Variants in ANKRD29 observed in about 807,000 individuals in gnomAD.
ANKRD29 encodes the protein ankyrin repeat domain-containing protein 29.
ANKRD29 carries 32 observed loss-of-function variants against 38.0 expected under a neutral mutation model. That is an observed-to-expected ratio of 0.84 (90% CI 0.64 to 1.13). ANKRD29 has a LOEUF of 1.13. Ranked by LOEUF, ANKRD29 falls within the 50% of genes most tolerant of loss-of-function variation. The probability of loss-of-function intolerance (pLI) is 0.00; values close to 1 mark genes in which losing one functional copy is unlikely to be tolerated. For missense variants in ANKRD29, 357 were observed against 377.9 expected (o/e 0.94, Z 0.46); for synonymous variants, 135 against 152.4 (o/e 0.89, Z 0.84).
At chr18:23,618,343 C>G (rs1351810682) in intron 7 of ANKRD29, among the ~76,000 whole-genome samples, 3 of 152,150 alleles carry the variant, frequency 2.0e-5, no homozygotes, top group Non-Finnish European at 2.9e-5. Flanking sequence ...GCTAAAAGGC[C>G]AGGTGCAGTG....
chr18:23,660,157 T>C (rs1186255730), intron 1 of ANKRD29, among the ~76,000 whole-genome samples: 2 of 152,226 alleles, frequency 1.3e-5, no homozygotes, highest in African/African-American at 4.8e-5. Flanking sequence ...CATCACTTCA[T>C]ACTCCTACCA....
At chr18:23,608,860 G>A (rs749810132) in intron 9 of ANKRD29, among the ~76,000 whole-genome samples, 15 of 152,102 alleles carry the variant, frequency 9.9e-5, no homozygotes, top group Admixed American at 8.5e-4. Flanking sequence ...GGCCGGGCGC[G>A]GTGGCTCACG....
At chr18:23,622,364 G>T (rs1400286180) in intron 6 of ANKRD29, among the ~76,000 whole-genome samples, 2 of 152,062 alleles carry the variant, frequency 1.3e-5, no homozygotes, top group Non-Finnish European at 2.9e-5. Flanking sequence ...ATACTAATGC[G>T]CTTCTCCCTC....
chr18:23,647,833 G>A (rs1247201648), intron 2 of ANKRD29: 1 of 152,350 alleles, frequency 6.6e-6, no homozygotes. Context: ...AGATGCCCAA[G>A]ACTTGACAGC....
At chr18:23,629,245 AG>A (rs1174887613) in intron 6 of ANKRD29, among the ~76,000 whole-genome samples, 2 of 152,278 alleles carry the variant, frequency 1.3e-5, no homozygotes, top group African/African-American at 4.8e-5. Context: ...TCGGCCTCCC[AG>A]GGTGCTGGGA....
rs746636159 is a variant in ANKRD29, at chr18:23,638,836, A to C, written c.330+13T>G. ...TTCTTCAACATAATACAAAATCAAG[A>C]AGGTTATCTCACTTTGGTCCTAAAT... is the stretch of plus-strand genomic sequence containing the variant. On this transcript the variant is annotated intron_variant, in intron 4 of 9. Coordinates refer to ENST00000592179, the MANE Select transcript of ANKRD29 (RefSeq NM_173505.4). 1 of 1,595,006 alleles carries C rather than the reference A, an allele frequency of 6.3e-7. No homozygotes were observed. Among genetic ancestry groups the C allele is most frequent in the Non-Finnish European group, 8.5e-7 (1 of 1,170,170 alleles).
intron 9 of ANKRD29, among the ~76,000 whole-genome samples, chr18:23,610,747 C>T (rs1206110581): frequency 1.3e-5 from 2 of 151,972 alleles, no homozygotes; most frequent in African/African-American, 4.8e-5. Flanking sequence ...GTGACCATGG[C>T]TCACTGCACC....
intron 1 of ANKRD29, among the ~76,000 whole-genome samples, chr18:23,659,526 C>A (rs149294737): frequency 2.2e-3 from 332 of 152,110 alleles, no homozygotes; most frequent in African/African-American, 7.8e-3. Context: ...AGGTGAATCA[C>A]GAGGTCAAGA....
chr18:23,612,076 A>G lies in ANKRD29; in HGVS notation c.822+16T>C, dbSNP rs768304928. 1 of 1,611,882 alleles carries G rather than the reference A, an allele frequency of 6.2e-7. No individual in the cohort carries two copies. The highest frequency in any genetic ancestry group is 1.1e-5 in the South Asian group (1 of 90,928). ...TCAATGGGCCCAAACGAGTTAAAAG[A>G]TTGCTTAGTGGGTACCTTGTTTCTC... On this transcript the variant is annotated intron_variant, in intron 9 of 9. Transcript: ENST00000592179.
intron 1 of ANKRD29, 120 bp from the exon 2 acceptor site, chr18:23,649,313 G>T: frequency 2.5e-6 from 2 of 794,370 alleles, no homozygotes; most frequent in Non-Finnish European, 4.2e-6. Context: ...TCATTTGAAA[G>T]ATTGATCCTC....
chr18:23,654,006 G>C (rs757596907), intron 1 of ANKRD29, among the ~76,000 whole-genome samples: 20 of 152,074 alleles, frequency 1.3e-4, no homozygotes, highest in Non-Finnish European at 2.5e-4. Flanking sequence ...GGTGTCTCAC[G>C]CCTGTAATCT....
At chr18:23,608,216 T>A (rs950935631) in intron 9 of ANKRD29, among the ~76,000 whole-genome samples, 1 of 152,240 alleles carries the variant, frequency 6.6e-6, no homozygotes, top group African/African-American at 2.4e-5. Context: ...CAGTGCATGG[T>A]ATCTAGTGTT....
chr18:23,611,134 T>C (rs1454034811), intron 9 of ANKRD29, among the ~76,000 whole-genome samples: 1 of 152,240 alleles, frequency 6.6e-6, no homozygotes, highest in Non-Finnish European at 1.5e-5. Flanking sequence ...TTGGCCTAAT[T>C]GTAAATGAAG....
intron 8 of ANKRD29, among the ~76,000 whole-genome samples, chr18:23,615,495 A>G (rs1379821801): frequency 1.3e-5 from 2 of 151,892 alleles, no homozygotes; most frequent in Non-Finnish European, 2.9e-5. Context: ...TCACAGCTTC[A>G]TTTCCCAGGC....
intron 9 of ANKRD29, among the ~76,000 whole-genome samples, chr18:23,603,505 T>C (rs530737914): frequency 6.6e-6 from 1 of 152,300 alleles, no homozygotes; most frequent in South Asian, 2.1e-4. Flanking sequence ...TGGTGGCACA[T>C]GCCTGTAATC....
In ANKRD29 at chr18:23,599,844, G is replaced by A. The variant is rs969761511; in HGVS notation, c.*1382C>T. The A allele has an allele frequency of 6.6e-6, 1 of 152,088 alleles. No homozygotes were observed. The highest frequency in any genetic ancestry group is 1.5e-5 in the Non-Finnish European group (1 of 68,018). The allele number at this position is 152,088 out of a possible 1,614,324, so 9.4% of individuals were successfully genotyped here. On this transcript the variant is annotated 3_prime_UTR_variant, in exon 10 of 10. Coordinates refer to ENST00000592179, the MANE Select transcript of ANKRD29 (RefSeq NM_173505.4). ...TTTTAAGAGAATATCTTCTAATTTT[G>A]AAGATTATATTCTATTATTTACTGA...
intron 6 of ANKRD29, among the ~76,000 whole-genome samples, chr18:23,625,646 C>T (rs1264738927): frequency 6.6e-6 from 1 of 152,128 alleles, no homozygotes; most frequent in Non-Finnish European, 1.5e-5. Flanking sequence ...GGGTGTGTAT[C>T]AGCTACTGCA....
At chr18:23,614,786 A>G (rs2059690157) in intron 8 of ANKRD29, among the ~76,000 whole-genome samples, 1 of 152,186 alleles carries the variant, frequency 6.6e-6, no homozygotes, top group South Asian at 2.1e-4. Context: ...GCAAGAATGG[A>G]ATCTAAAAAT....
chr18:23,661,445 C>T (rs2060359872), intron 1 of ANKRD29, among the ~76,000 whole-genome samples: 1 of 152,232 alleles, frequency 6.6e-6, no homozygotes, highest in Non-Finnish European at 1.5e-5. Context: ...GTGGCTCACG[C>T]CTTTAACCCC....
Sources: allele counts gnomAD v4.1 joint callset (sites outside exome capture counted in the v4.1 genomes callset), GRCh38; gene constraint gnomAD v4.1.1; transcripts MANE v1.5; gene names NCBI Gene and HGNC (gene_info 2026-07-23, HGNC 2026-07-21).